The following MMP25 variants were observed in gnomAD, a reference collection of about 807,000 sequenced individuals.
MMP25 encodes the protein matrix metallopeptidase 25, also known as matrix metalloproteinase-25.
In MMP25, 68 loss-of-function variants were observed where a neutral mutation model predicts 62.1. That is an observed-to-expected ratio of 1.10 (90% CI 0.90 to 1.34). MMP25 has a LOEUF of 1.34. Ranked by LOEUF, MMP25 falls within the 40% of genes most tolerant of loss-of-function variation. MMP25 has a pLI of 0.00. For missense variants in MMP25, 942 were observed against 792.5 expected, an observed-to-expected ratio of 1.19 and a Z score of -2.26; for synonymous variants, 407 against 345.6, an observed-to-expected ratio of 1.18 and a Z score of -1.97.
intron 2 of MMP25, 127 bp from the exon 3 acceptor site, chr16:3,049,881 GC>G (rs776083063): frequency 4.4e-6 from 6 of 1,374,224 alleles, no homozygotes; most frequent in Non-Finnish European, 4.1e-6. Context: ...GGGCTGTGGG[GC>G]CTTCGAGGGC....
chr16:3,057,553 C>A lies in MMP25; in HGVS notation c.946C>A (p.Arg316=), dbSNP rs756768550. Residue 316 remains arginine, a synonymous_variant, in exon 7 of 10, where the codon CGA becomes AGA. Transcript: ENST00000336577. ...THSPSFPIPD[R]CEGNFDAIAN... ...CAGCCCATCCTTCCCCATCCCTGATCGATGTGAGGGCAATTTTGACGCCAT... is the reference window on the plus strand; with the variant it reads ...CAGCCCATCCTTCCCCATCCCTGATAGATGTGAGGGCAATTTTGACGCCAT... The A allele has an allele frequency of 6.2e-7, 1 of 1,614,090 alleles. No homozygotes were observed. Among genetic ancestry groups the A allele is most frequent in the Admixed American group, 1.7e-5 (1 of 60,026 alleles).
In MMP25 at chr16:3,057,374, C is replaced by T. The variant is rs1458782060; in HGVS notation, c.903C>T (p.Pro301=). 1.2e-6 allele frequency: 2 copies of T among 1,612,964 alleles called. No individual in the cohort carries two copies. Among genetic ancestry groups the T allele is most frequent in the African/African-American group, 1.3e-5 (1 of 74,886 alleles). The change falls in exon 6 of 10, where the codon CCC becomes CCT. Residue 301 remains proline, a synonymous_variant. Coordinates refer to ENST00000336577, the MANE Select transcript of MMP25 (RefSeq NM_022468.5). ...TRKPLAPPPQ[P]PASPTHSPSF... ...AACCCCTGGCTCCTCCGCCCCAGCC[C>T]CCGGCCTCGCCCACACACAGGTGAG... is the stretch of plus-strand genomic sequence containing the variant.
In MMP25 at chr16:3,056,175, G is replaced by A. The variant is rs187925474; in HGVS notation, c.662-858G>A. 480 of 203,244 alleles carry A rather than the reference G, an allele frequency of 2.4e-3. 6 individuals carry two copies. The highest frequency in any genetic ancestry group is 0.011 in the African/African-American group (455 of 40,836). 12.6% of individuals were successfully genotyped at this position (203,244 alleles called of 1,614,324 possible). ...AGGGATATGGCTTGAGGAGGGATGG[G>A]GGCAGGAATGAGGGAAGGTCTTGGG... On this transcript the variant is annotated intron_variant, in intron 4 of 9. Transcript: ENST00000336577.
rs1157839515 is a variant in MMP25 at position 3,059,239 on chromosome 16, G to A, written c.*141G>A. 2.0e-6 allele frequency: 2 copies of A among 1,014,596 alleles called. No individual in the cohort carries two copies. Among genetic ancestry groups the A allele is most frequent in the Non-Finnish European group, 2.7e-6 (2 of 747,900 alleles). 62.8% of individuals were successfully genotyped at this position (1,014,596 alleles called of 1,614,324 possible). A position where few individuals can be genotyped will look rare whatever the true frequency, so the allele number is the denominator to read the frequency against. The stretch of plus-strand genomic sequence containing the variant: ...GCTCGGGCGCGGACTAAGCAGGGGG[G>A]ATCTCCCGCGCAGGGGCGGCGGCGG... On this transcript the variant is annotated 3_prime_UTR_variant, in exon 10 of 10. Transcript: ENST00000336577.
In MMP25 at chr16:3,058,268, C is replaced by A. The variant is rs781523004; in HGVS notation, c.1094C>A (p.Ala365Asp). 6 of 1,610,886 alleles carry A rather than the reference C, an allele frequency of 3.7e-6. No homozygotes were observed. Among genetic ancestry groups the A allele is most frequent in the African/African-American group, 2.7e-5 (2 of 74,642 alleles). ...RLHRFWEGLP[A>D]QVRVVQAAYA... ...CACCGCTTCTGGGAGGGGCTGCCCG[C>A]CCAGGTGAGGGTGGTGCAGGCCGCC... The change falls in exon 8 of 10, where the codon GCC becomes GAC. Residue 365 changes from alanine to aspartate, a missense_variant. Physicochemically the swap from Ala to Asp is moderately radical, Grantham distance 126. Coordinates refer to ENST00000336577, the MANE Select transcript of MMP25 (RefSeq NM_022468.5).
chr16:3,055,913 T>A, intron 4 of MMP25: 1 of 455,376 alleles, frequency 2.2e-6, no homozygotes, highest in South Asian at 1.6e-5. Flanking sequence ...GGCGTGTGAA[T>A]CCTCTGGGTC....
At chr16:3,055,833 T>C in intron 4 of MMP25, 1 of 455,276 alleles carries the variant, frequency 2.2e-6, no homozygotes, top group Non-Finnish European at 4.4e-6. Context: ...TCTTCAGGCC[T>C]CTCAGCAGCT....
chr16:3,060,617 G>A lies in MMP25; in HGVS notation c.*1519G>A, dbSNP rs1162368994. On this transcript the variant is annotated 3_prime_UTR_variant, in exon 10 of 10. Coordinates refer to ENST00000336577, the MANE Select transcript of MMP25 (RefSeq NM_022468.5). The stretch of plus-strand genomic sequence containing the variant: ...TTACCTGGGAATTCTGGGCTGCCAG[G>A]AAACGATTTGGGCCTCTGTCAGTTT... The A allele has an allele frequency of 6.6e-6, 1 of 152,240 alleles. No individual in the cohort carries two copies. 9.4% of individuals were successfully genotyped at this position (152,240 alleles called of 1,614,324 possible).
intron 2 of MMP25, 150 bp from the exon 3 acceptor site, chr16:3,049,859 G>A: frequency 8.7e-7 from 1 of 1,149,852 alleles, no homozygotes; most frequent in Non-Finnish European, 1.3e-6. Flanking sequence ...CAGACTGCCT[G>A]GGTTCAAACC....
intron 9 of MMP25, 73 bp from the exon 10 acceptor site, chr16:3,058,754 G>A: frequency 6.6e-7 from 1 of 1,514,638 alleles, no homozygotes; most frequent in Non-Finnish European, 8.9e-7. Context: ...GCCACCCTGC[G>A]GGGATGGGGG....
At chr16:3,058,758 A>AT in intron 9 of MMP25, 69 bp from the exon 10 acceptor site, 1 of 1,260,080 alleles carries the variant, frequency 7.9e-7, no homozygotes, top group Non-Finnish European at 1.1e-6. Flanking sequence ...CCCTGCGGGG[A>AT]TGGGGGTCCT....
intron 4 of MMP25, chr16:3,051,176 G>T (rs1360160382): frequency 6.6e-6 from 1 of 152,312 alleles, no homozygotes; most frequent in Non-Finnish European, 1.5e-5. Flanking sequence ...GGATGTGTGT[G>T]TGTGTGCACG....
chr16:3,057,577 A>G lies in MMP25; in HGVS notation c.970A>G (p.Ile324Val), dbSNP rs781202606. The change falls in exon 7 of 10, where the codon ATC becomes GTC. Residue 324 changes from isoleucine to valine, a missense_variant. Ile to Val is a conservative substitution (Grantham distance 29, BLOSUM62 3). Transcript: ENST00000336577. ...TCGATGTGAGGGCAATTTTGACGCC[A>G]TCGCCAACATCCGAGGGGAAACTTT... ...PDRCEGNFDA[I>V]ANIRGETFFF... 4 of 1,614,070 alleles carry G rather than the reference A, an allele frequency of 2.5e-6. No individual in the cohort carries two copies. The highest frequency in any genetic ancestry group is 2.2e-5 in the South Asian group (2 of 91,084).
chr16:3,051,899 T>A (rs934671043), intron 4 of MMP25: 1 of 152,042 alleles, frequency 6.6e-6, no homozygotes, highest in Non-Finnish European at 1.5e-5. Flanking sequence ...CACAGGTGGG[T>A]GGATCACCTG....
rs541071753 is a variant in MMP25, at chr16:3,059,033, C to T, written c.1624C>T (p.Arg542Cys). The T allele has an allele frequency of 3.9e-6, 6 of 1,553,712 alleles. No homozygotes were observed. The African/African-American group carries it at 6.8e-5, about 18-fold the overall frequency. The change falls in exon 10 of 10, where the codon CGT becomes TGT. Residue 542 changes from arginine (R) to cysteine (C), a missense_variant. Physicochemically the swap from Arg to Cys is radical, Grantham distance 180 (BLOSUM62 -3). Transcript: ENST00000336577. ...CQCELNQAAG[R>C]WPAPIPLLLL... ...GTGCGAGCTCAACCAGGCCGCAGGA[C>T]GTTGGCCTGCTCCCATCCCGCTGCT...
chr16:3,047,319 G>A (rs949734324), intron 1 of MMP25, 96 bp from the exon 2 acceptor site: 3 of 1,508,240 alleles, frequency 2.0e-6, no homozygotes, highest in Admixed American at 2.1e-5. Flanking sequence ...TGGGCTCTGG[G>A]TGCCTGGGAG....
At position 3,049,996 on chromosome 16, in the gene MMP25, A is replaced by G. The variant is rs1347641487; in HGVS notation, c.233-13A>G. ...TTGTGGACACACCCCCCACCGCCAA[A>G]TGTCTCCCGCAGACCCAGGGACAGT... On this transcript the variant is annotated splice_polypyrimidine_tract_variant and intron_variant, in intron 2 of 9. Coordinates refer to ENST00000336577, the MANE Select transcript of MMP25 (RefSeq NM_022468.5). The G allele has an allele frequency of 2.5e-6, 4 of 1,607,830 alleles. No homozygotes were observed. The highest frequency in any genetic ancestry group is 1.7e-6 in the Non-Finnish European group (2 of 1,179,890).
intron 2 of MMP25, 71 bp downstream of exon 2, chr16:3,047,618 C>T: frequency 6.6e-7 from 1 of 1,520,720 alleles, no homozygotes; most frequent in Non-Finnish European, 9.0e-7. Context: ...AGCCTTTAGA[C>T]CTCAGTGTGC....
At position 3,046,905 on chromosome 16, in the gene MMP25, G is replaced by C. The variant is rs1955828148; in HGVS notation, c.-13G>C. 1 of 1,419,746 alleles carries C rather than the reference G, an allele frequency of 7.0e-7. No individual in the cohort carries two copies. The highest frequency in any genetic ancestry group is 1.5e-5 in the African/African-American group (1 of 66,476). The allele number at this position is 1,419,746 out of a possible 1,614,324, so 87.9% of individuals were successfully genotyped here. A position where few individuals can be genotyped will look rare whatever the true frequency, so the allele number is the denominator to read the frequency against. On this transcript the variant is annotated 5_prime_UTR_variant, in exon 1 of 10. Transcript: ENST00000336577. Reference sequence around the variant, plus strand: ...CCTTCGAACCCCGCCGGCGGCCCGGGCTGGGGCGCACCATGCGGCTGCGGC... The same window carrying C: ...CCTTCGAACCCCGCCGGCGGCCCGGCCTGGGGCGCACCATGCGGCTGCGGC...
Sources: allele counts gnomAD v4.1 joint callset, GRCh38; gene constraint gnomAD v4.1.1; transcripts MANE v1.5; gene names NCBI Gene and HGNC (gene_info 2026-07-23, HGNC 2026-07-21).